The following CDC73 variants were observed in gnomAD, a reference collection of about 807,000 sequenced individuals.
The protein encoded by CDC73 is parafibromin.
CDC73 carries 21 observed loss-of-function variants against 83.7 expected under a neutral mutation model. That is an observed-to-expected ratio of 0.25 (90% CI 0.18 to 0.36). CDC73 has a LOEUF of 0.36. CDC73 is among the 10% of genes least tolerant of loss of function. CDC73 has a pLI of 1.00. For synonymous variants in CDC73, 224 were observed against 212.9 expected (o/e 1.05, Z -0.45); for missense variants, 342 against 653.3 (o/e 0.52, Z 5.19).
chr1:193,129,287 C>T lies in CDC73; in HGVS notation c.238-887C>T, dbSNP rs550254521. The stretch of plus-strand genomic sequence containing the variant: ...CTGGGATTACAGGTGTGAGCCACTG[C>T]GCCCTGCCTAATTTTTGTGTTTTTA... On this transcript the variant is annotated intron_variant, in intron 2 of 16. Coordinates refer to ENST00000367435, the MANE Select transcript of CDC73 (RefSeq NM_024529.5). Among the ~76,000 whole-genome samples the T allele has an allele frequency of 3.3e-5, 5 of 151,200 alleles. No individual in the cohort carries two copies. The South Asian group carries it at 6.3e-4, about 19-fold the overall frequency.
chr1:193,159,683 G>C (rs1020592222), intron 10 of CDC73, among the ~76,000 whole-genome samples: 11 of 152,086 alleles, frequency 7.2e-5, no homozygotes, highest in Admixed American at 7.2e-4. Flanking sequence ...CTTTTTGATT[G>C]CAGTATGGAA....
At chr1:193,190,634 T>C (rs1676902881) in intron 10 of CDC73, among the ~76,000 whole-genome samples, 9 of 152,234 alleles carry the variant, frequency 5.9e-5, no homozygotes, top group Admixed American at 5.9e-4. Flanking sequence ...TTCTTTTGAC[T>C]TGAAAACAAA....
intron 13 of CDC73, among the ~76,000 whole-genome samples, chr1:193,219,837 A>AAT (rs1165970834): frequency 6.6e-6 from 1 of 152,206 alleles, no homozygotes; most frequent in Admixed American, 6.5e-5. Flanking sequence ...AGTGACATGC[A>AAT]ATATACCCAT....
At chr1:193,250,138 T>C (rs1453975326) in intron 16 of CDC73, among the ~76,000 whole-genome samples, 1 of 151,926 alleles carries the variant, frequency 6.6e-6, no homozygotes, top group African/African-American at 2.4e-5. Flanking sequence ...TAATTATCTG[T>C]GTGACCTTTT....
intron 10 of CDC73, among the ~76,000 whole-genome samples, chr1:193,191,023 G>A (rs932204581): frequency 6.6e-6 from 1 of 152,140 alleles, no homozygotes; most frequent in African/African-American, 2.4e-5. Flanking sequence ...ACTTCTGAGT[G>A]TTTCATTGGC....
chr1:193,171,648 T>G (rs1289651663), intron 10 of CDC73, among the ~76,000 whole-genome samples: 1 of 152,190 alleles, frequency 6.6e-6, no homozygotes, highest in East Asian at 1.9e-4. Context: ...TGTGTTTCTC[T>G]CTAACTCTTC....
intron 10 of CDC73, chr1:193,180,413 G>A: frequency 1.2e-6 from 2 of 1,614,044 alleles, no homozygotes; most frequent in Non-Finnish European, 1.7e-6. Flanking sequence ...GGCTGGAACT[G>A]ATGAGAGGTA....
At chr1:193,175,975 AT>A (rs1228283326) in intron 10 of CDC73, among the ~76,000 whole-genome samples, 1 of 152,176 alleles carries the variant, frequency 6.6e-6, no homozygotes, top group Non-Finnish European at 1.5e-5. Flanking sequence ...TCTTGCATGA[AT>A]CTGTTAGGAA....
intron 10 of CDC73, among the ~76,000 whole-genome samples, chr1:193,175,600 T>C (rs1676587213): frequency 6.6e-6 from 1 of 152,182 alleles, no homozygotes; most frequent in Non-Finnish European, 1.5e-5. Context: ...GTATAGACTT[T>C]TGTGTGAGTT....
At chr1:193,201,414 A>C (rs1449396630) in intron 10 of CDC73, among the ~76,000 whole-genome samples, 1 of 152,190 alleles carries the variant, frequency 6.6e-6, no homozygotes, top group East Asian at 1.9e-4. Flanking sequence ...TCTTTCTGCC[A>C]ATGCATTTTC....
intron 15 of CDC73, among the ~76,000 whole-genome samples, chr1:193,239,851 A>G (rs1677827022): frequency 6.6e-6 from 1 of 152,196 alleles, no homozygotes; most frequent in South Asian, 2.1e-4. Flanking sequence ...TCCTTTGTGC[A>G]GCTGTTCACC....
At chr1:193,242,810 C>CA (rs923492741) in intron 15 of CDC73, among the ~76,000 whole-genome samples, 1 of 152,044 alleles carries the variant, frequency 6.6e-6, no homozygotes, top group African/African-American at 2.4e-5. Flanking sequence ...TTGCTTTCCC[C>CA]AAAAAATGTT....
chr1:193,169,029 G>A (rs1676478293), intron 10 of CDC73, among the ~76,000 whole-genome samples: 1 of 151,956 alleles, frequency 6.6e-6, no homozygotes, highest in Non-Finnish European at 1.5e-5. Flanking sequence ...AAAACAAGTA[G>A]CAGCCTGGAT....
At position 193,253,698 on chromosome 1, in the gene CDC73, T is replaced by G. The variant is rs1678080270; in HGVS notation, c.*2986T>G. The G allele has an allele frequency of 4.3e-6, 1 of 231,652 alleles. No individual in the cohort carries two copies. The highest frequency in any genetic ancestry group is 8.5e-6 in the Non-Finnish European group (1 of 117,182). 14.3% of individuals were successfully genotyped at this position (231,652 alleles called of 1,614,324 possible). On this transcript the variant is annotated 3_prime_UTR_variant, in exon 17 of 17. Coordinates refer to ENST00000367435, the MANE Select transcript of CDC73 (RefSeq NM_024529.5). ...ATAATGAGGAAAATCTCATAATTTT[T>G]AAGGCAGAAAGAAGTATTAATTTTT...
At chr1:193,153,240 A>G (rs1186544665) in intron 10 of CDC73, among the ~76,000 whole-genome samples, 2 of 152,154 alleles carry the variant, frequency 1.3e-5, no homozygotes, top group African/African-American at 2.4e-5. Context: ...TTATTTCTAT[A>G]TATTCTGACC....
intron 11 of CDC73, among the ~76,000 whole-genome samples, chr1:193,206,928 C>A (rs773623905): frequency 6.6e-6 from 1 of 152,146 alleles, no homozygotes; most frequent in Non-Finnish European, 1.5e-5. Context: ...TCTCAAAATT[C>A]ATTTAGGGAA....
intron 6 of CDC73, 129 bp downstream of exon 6, chr1:193,138,302 A>T: frequency 1.4e-6 from 1 of 725,022 alleles, no homozygotes; most frequent in Non-Finnish European, 2.5e-6. Flanking sequence ...TTTGCTCTTA[A>T]GTTCGTAAGA....
At chr1:193,230,143 CTT>C (rs944930837) in intron 13 of CDC73, among the ~76,000 whole-genome samples, 6 of 135,072 alleles carry the variant, frequency 4.4e-5, no homozygotes, top group Non-Finnish European at 4.9e-5. Context: ...CATTCCCATT[CTT>C]TTTTTTTTTT....
At chr1:193,156,365 G>A (rs1168484184) in intron 10 of CDC73, among the ~76,000 whole-genome samples, 1 of 152,150 alleles carries the variant, frequency 6.6e-6, no homozygotes, top group Non-Finnish European at 1.5e-5. Context: ...TTTTGCGGAA[G>A]CATCTCACAC....
Sources: gnomAD v4.1 joint callset for allele counts (sites outside exome capture counted in the v4.1 genomes callset) on GRCh38, gnomAD v4.1.1 for gene constraint, MANE v1.5 for transcripts, NCBI Gene and HGNC (gene_info 2026-07-23, HGNC 2026-07-21) for gene names.